MMP13: variants seen among roughly 807,000 people sequenced by gnomAD.
MMP13 encodes the protein matrix metallopeptidase 13.
MMP13 carries 45 observed loss-of-function variants against 52.1 expected under a neutral mutation model. That is an observed-to-expected ratio of 0.86 (90% CI 0.68 to 1.11). MMP13 has a LOEUF of 1.11. Among genes scored for constraint, MMP13 ranks in the 50% least tolerant of loss-of-function variants. The pLI, the probability that MMP13 is intolerant of heterozygous loss-of-function variation, is 0.00. For missense variants in MMP13, 576 were observed against 583.8 expected, an observed-to-expected ratio of 0.99 and a Z score of 0.14; for synonymous variants, 200 against 204.4, an observed-to-expected ratio of 0.98 and a Z score of 0.18.
rs1004387077 is a variant in MMP13 at position 102,943,953 on chromosome 11, T to A, written c.*313A>T. 1.5e-4 allele frequency: 41 copies of A among 277,740 alleles called. No individual in the cohort carries two copies. Among genetic ancestry groups the A allele is most frequent in the African/African-American group, 8.9e-4 (41 of 46,062 alleles). 17.2% of individuals were successfully genotyped at this position (277,740 alleles called of 1,614,324 possible). ...CTTGTAAAATTTCCTTATAAATATA[T>A]TTTTAAATTATGCTCTCATTGACAG... On this transcript the variant is annotated 3_prime_UTR_variant, in exon 10 of 10. Coordinates refer to ENST00000260302, the MANE Select transcript of MMP13 (RefSeq NM_002427.4).
chr11:102,951,800 G>A (rs557010572), intron 5 of MMP13, among the ~76,000 whole-genome samples: 1 of 152,070 alleles, frequency 6.6e-6, no homozygotes. Flanking sequence ...AGTACTGCAG[G>A]CACATGTAAC....
rs757345664 is a variant in MMP13, at chr11:102,954,593, T to A, written c.376A>T (p.Thr126Ser). 6.2e-7 allele frequency: 1 copy of A among 1,613,438 alleles called. No individual in the cohort carries two copies. The highest frequency in any genetic ancestry group is 8.5e-7 in the Non-Finnish European group (1 of 1,179,574). ...MNLTYRIVNY[T>S]PDMTHSEVEK... ...ACTTCAGAATGAGTCATATCAGGGGTGTAATTCACAATTCTATTTAACAGA... is the reference window on the plus strand; with the variant it reads ...ACTTCAGAATGAGTCATATCAGGGGAGTAATTCACAATTCTATTTAACAGA... Residue 126 changes from threonine (T) to serine (S), a missense_variant, in exon 3 of 10, where the codon ACC (threonine) becomes TCC (serine). Coordinates refer to ENST00000260302, the MANE Select transcript of MMP13 (RefSeq NM_002427.4).
chr11:102,945,385 A>G (rs1860485623), intron 9 of MMP13: 6 of 821,020 alleles, frequency 7.3e-6, no homozygotes, highest in Non-Finnish European at 9.9e-6. Context: ...TGGCATCTTT[A>G]AGCATAGATT....
Position 102,949,078 on chromosome 11 carries a change from C to T in MMP13, c.998G>A (p.Arg333His), listed in dbSNP as rs782035543. 211 of 1,613,712 alleles carry T rather than the reference C, an allele frequency of 1.3e-4. No homozygotes were observed. Among genetic ancestry groups the T allele is most frequent in the Middle Eastern group, 1.6e-4 (1 of 6,080 alleles). The change falls in exon 7 of 10, where the codon CGT (arginine) becomes CAT (histidine). Residue 333 changes from arginine to histidine, a missense_variant. Transcript: ENST00000260302. This position sits in a 1 kb window ranked among gnomAD's most constrained non-coding sequence, Gnocchi z 4.2. ...AGGGTGCTCATATGCAGCATCAATA[C>T]GGTTGGGAAGTTCTGGCCAAAATGA... ...TKSFWPELPN[R>H]IDAAYEHPSH...
chr11:102,953,801 G>A (rs986718839), intron 4 of MMP13, among the ~76,000 whole-genome samples: 1 of 152,094 alleles, frequency 6.6e-6, no homozygotes, highest in Non-Finnish European at 1.5e-5. Flanking sequence ...ATCCAGCCCT[G>A]GTAGTTTTTA....
rs1860678577 is a variant in MMP13, at chr11:102,955,314, A to G, written c.300T>C (p.Asp100=). Residue 100 remains aspartate (D), a synonymous_variant, in exon 2 of 10, where the codon GAT becomes GAC. Transcript: ENST00000260302. This position sits in a 1 kb window ranked among gnomAD's most constrained non-coding sequence, Gnocchi z 4.9. ...VMKKPRCGVP[D]VGEYNVFPRT... ...GAGGGAAAACATTGTATTCACCCAC[A>G]TCAGGAACCCCGCATCTTGGCTTTT... 1 of 1,613,896 alleles carries G rather than the reference A, an allele frequency of 6.2e-7. No individual in the cohort carries two copies. The highest frequency in any genetic ancestry group is 8.5e-7 in the Non-Finnish European group (1 of 1,179,914).
In MMP13 at chr11:102,952,073, G is replaced by A; in HGVS notation, c.738C>T (p.Tyr246=). ...PGALMFPIYT[Y]TGKSHFMLPD... ...GAAGCATAAAGTGGCTTTTGCCGGT[G>A]TAGGTGTAGATAGGAAACATGAGTG... The change falls in exon 5 of 10, where the codon TAC becomes TAT. Residue 246 remains tyrosine, a synonymous_variant. Coordinates refer to ENST00000260302, the MANE Select transcript of MMP13 (RefSeq NM_002427.4). The surrounding 1 kb of genome is among the most constrained non-coding windows in gnomAD (Gnocchi z 4.3). The A allele has an allele frequency of 6.2e-7, 1 of 1,613,458 alleles. No individual in the cohort carries two copies. The highest frequency in any genetic ancestry group is 1.1e-5 in the South Asian group (1 of 91,072).
chr11:102,955,017 C>T lies in MMP13; in HGVS notation c.362+235G>A, dbSNP rs1860673441. On this transcript the variant is annotated intron_variant, in intron 2 of 9. Transcript: ENST00000260302. The surrounding 1 kb of genome is among the most constrained non-coding windows in gnomAD (Gnocchi z 4.9). ...ACTATGTTTGCAAATTTTCTTTAAC[C>T]TACTTTTATTTCTCTTTTGATTTCA... 6.6e-6 allele frequency among the ~76,000 whole-genome samples: 1 copy of T among 152,018 alleles called. No homozygotes were observed. Among genetic ancestry groups the T allele is most frequent in the South Asian group, 2.1e-4 (1 of 4,814 alleles).
At position 102,948,038 on chromosome 11, in the gene MMP13, C is replaced by A. The variant is rs1250689196; in HGVS notation, c.1064G>T (p.Trp355Leu). The change falls in exon 8 of 10, where the codon TGG becomes TTG. Residue 355 changes from tryptophan (W) to leucine (L), a missense_variant. Transcript: ENST00000260302. Reference sequence around the variant, plus strand: ...CAGAATGTCATAACCATTAAGAGCCCAAAATTTTCTACCTGGAATGAGTGA... The same window carrying A: ...CAGAATGTCATAACCATTAAGAGCCAAAAATTTTCTACCTGGAATGAGTGA... ...LIFIFRGRKF[W>L]ALNGYDILEG... 6 of 1,613,138 alleles carry A rather than the reference C, an allele frequency of 3.7e-6. No homozygotes were observed. Among genetic ancestry groups the A allele is most frequent in the Non-Finnish European group, 5.1e-6 (6 of 1,179,622 alleles).
chr11:102,955,374 A>T lies in MMP13; in HGVS notation c.240T>A (p.Thr80=), dbSNP rs376105726. Residue 80 remains threonine (T), a synonymous_variant, in exon 2 of 10, where the codon ACT becomes ACA. Transcript: ENST00000260302. The surrounding 1 kb of genome is among the most constrained non-coding windows in gnomAD (Gnocchi z 4.9). ...CTAAGGTGTTATCGTCAAGTTTGCC[A>T]GTCACCTCTAAGCCGAAGAAAGACT... ...EMQSFFGLEV[T]GKLDDNTLDV... 1.9e-6 allele frequency: 3 copies of T among 1,614,062 alleles called. No homozygotes were observed. Among genetic ancestry groups the T allele is most frequent in the East Asian group, 2.2e-5 (1 of 44,872 alleles).
At chr11:102,953,157 G>T (rs1860639492) in intron 4 of MMP13, among the ~76,000 whole-genome samples, 1 of 152,130 alleles carries the variant, frequency 6.6e-6, no homozygotes, top group South Asian at 2.1e-4. Context: ...AGACTTGTTT[G>T]TGGATGTTTT....
In MMP13 at chr11:102,943,910, A is replaced by G. The variant is rs1348603523; in HGVS notation, c.*356T>C. ...TAAGAATGATTTATTCATTATATGC[A>G]TGTATTTACTTTATGCCCTTGTAAA... On this transcript the variant is annotated 3_prime_UTR_variant, in exon 10 of 10. Coordinates refer to ENST00000260302, the MANE Select transcript of MMP13 (RefSeq NM_002427.4). 4.2e-6 allele frequency: 1 copy of G among 238,214 alleles called. No homozygotes were observed. Among genetic ancestry groups the G allele is most frequent in the Non-Finnish European group, 8.5e-6 (1 of 117,636 alleles). 14.8% of individuals were successfully genotyped at this position (238,214 alleles called of 1,614,324 possible). A position where few individuals can be genotyped will look rare whatever the true frequency, so the allele number is the denominator to read the frequency against.
chr11:102,944,103 C>G lies in MMP13; in HGVS notation c.*163G>C. 1 of 652,664 alleles carries G rather than the reference C, an allele frequency of 1.5e-6. No homozygotes were observed. Among genetic ancestry groups the G allele is most frequent in the East Asian group, 3.0e-5 (1 of 33,732 alleles). The allele number at this position is 652,664 out of a possible 1,614,324, so 40.4% of individuals were successfully genotyped here. On this transcript the variant is annotated 3_prime_UTR_variant, in exon 10 of 10. Coordinates refer to ENST00000260302, the MANE Select transcript of MMP13 (RefSeq NM_002427.4). ...CTAACATTCTTCAATGTGGTTCCAG[C>G]CACGCATAGTCATATAGATACTACA...
chr11:102,948,996 G>C (rs782703007), intron 7 of MMP13, 29 bp downstream of exon 7: 3 of 1,613,200 alleles, frequency 1.9e-6, no homozygotes, highest in Admixed American at 1.7e-5. Context: ...CCCTGGTCTT[G>C]TGTGAGGACT....
chr11:102,945,593 T>C, intron 9 of MMP13, 53 bp downstream of exon 9: 1 of 1,102,292 alleles, frequency 9.1e-7, no homozygotes, highest in South Asian at 1.2e-5. Context: ...AGAAAAGAGT[T>C]TTGAGGGGCT....
Position 102,943,559 on chromosome 11 carries a change from T to C in MMP13, c.*707A>G, listed in dbSNP as rs1555016277. ...ATATTTTAATAAAAAGACATCATCC[T>C]TCTTTATCCTTTATAATATGCAAAG... On this transcript the variant is annotated 3_prime_UTR_variant, in exon 10 of 10. Coordinates refer to ENST00000260302, the MANE Select transcript of MMP13 (RefSeq NM_002427.4). The C allele has an allele frequency of 6.6e-6, 1 of 152,242 alleles. No homozygotes were observed. The highest frequency in any genetic ancestry group is 2.4e-5 in the African/African-American group (1 of 41,474). The allele number at this position is 152,242 out of a possible 1,614,324, so 9.4% of individuals were successfully genotyped here. A position where few individuals can be genotyped will look rare whatever the true frequency, so the allele number is the denominator to read the frequency against.
At position 102,949,151 on chromosome 11, in the gene MMP13, A is replaced by G; in HGVS notation, c.925T>C (p.Trp309Arg). The change falls in exon 7 of 10, where the codon TGG becomes CGG. Residue 309 changes from tryptophan to arginine, a missense_variant. Trp to Arg is a moderately radical substitution (Grantham distance 101, BLOSUM62 -3). Transcript: ENST00000260302. This position sits in a 1 kb window ranked among gnomAD's most constrained non-coding sequence, Gnocchi z 4.2. ...TCAACCTGCTGAGGATGCAGGCGCC[A>G]GAAGAATCTAACACAAAAGTAAAAT... is the stretch of plus-strand genomic sequence containing the variant. ...ETMIFKDRFF[W>R]RLHPQQVDAE... 16 of 1,613,610 alleles carry G rather than the reference A, an allele frequency of 9.9e-6. No homozygotes were observed. Among genetic ancestry groups the G allele is most frequent in the Non-Finnish European group, 1.4e-5 (16 of 1,179,736 alleles).
Position 102,952,319 on chromosome 11 carries a change from A to G in MMP13, c.638-146T>C, listed in dbSNP as rs1212168723. ...CTTCAGTCTCCTACTTTTTAAAATCAATATTCAGTTGCTTGAAGGAAGATT... is the reference window on the plus strand; with the variant it reads ...CTTCAGTCTCCTACTTTTTAAAATCGATATTCAGTTGCTTGAAGGAAGATT... On this transcript the variant is annotated intron_variant, in intron 4 of 9. Coordinates refer to ENST00000260302, the MANE Select transcript of MMP13 (RefSeq NM_002427.4). The surrounding 1 kb of genome is among the most constrained non-coding windows in gnomAD (Gnocchi z 4.3). 1.2e-6 allele frequency: 1 copy of G among 840,526 alleles called. No individual in the cohort carries two copies. Among genetic ancestry groups the G allele is most frequent in the African/African-American group, 1.7e-5 (1 of 58,152 alleles). The allele number at this position is 840,526 out of a possible 1,614,324, so 52.1% of individuals were successfully genotyped here. A position where few individuals can be genotyped will look rare whatever the true frequency, so the allele number is the denominator to read the frequency against.
rs1860588352 is a variant in MMP13 at position 102,950,225 on chromosome 11, G to A, written c.802C>T (p.Pro268Ser). ...DVQGIQSLYG[P>S]GDEDPNPKHP... is the part of the protein sequence containing the mutation. ...TTAGGGTTGGGGTCTTCATCTCCTG[G>A]ACCTGTAGTCGTGAAAGGCAAGAGA... is the stretch of plus-strand genomic sequence containing the variant. Residue 268 changes from proline (P) to serine (S), a missense_variant and splice_region_variant, in exon 6 of 10, where the codon CCA (proline) becomes TCA (serine). Physicochemically the swap from Pro to Ser is moderately conservative, Grantham distance 74 (BLOSUM62 -1). Transcript: ENST00000260302. 7.5e-6 allele frequency: 12 copies of A among 1,610,210 alleles called. No homozygotes were observed. The highest frequency in any genetic ancestry group is 1.1e-5 in the South Asian group (1 of 90,980).
Sources: gnomAD v4.1 joint callset for allele counts (sites outside exome capture counted in the v4.1 genomes callset) on GRCh38, gnomAD v4.1.1 for gene constraint, Gnocchi (gnomAD v3.1) non-coding constraint, MANE v1.5 for transcripts, NCBI Gene and HGNC (gene_info 2026-07-23, HGNC 2026-07-21) for gene names.